Variants in KCNIP4 observed in about 807,000 individuals in gnomAD.
KCNIP4 encodes the protein Kv channel-interacting protein 4.
Under a neutral mutation model 34.0 loss-of-function variants are expected in KCNIP4, and 12 were observed. The observed-to-expected ratio is 0.35, with a 90% CI of 0.23 to 0.57. KCNIP4 has a LOEUF of 0.57. KCNIP4 is among the 20% of genes least tolerant of loss of function. The pLI is 0.83. For synonymous variants in KCNIP4, 124 were observed against 102.2 expected (o/e 1.21, Z -1.29); for missense variants, 238 against 311.7 (o/e 0.76, Z 1.78).
chr4:21,206,950 G>A (rs1347099454), intron 1 of KCNIP4, among the ~76,000 whole-genome samples: 1 of 152,114 alleles, frequency 6.6e-6, no homozygotes, highest in East Asian at 1.9e-4. Flanking sequence ...TGTACTCATT[G>A]TCGCTTTAGA....
chr4:21,715,866 T>C (rs534381956), intron 1 of KCNIP4, among the ~76,000 whole-genome samples: 1 of 152,326 alleles, frequency 6.6e-6, no homozygotes, highest in Admixed American at 6.5e-5. Flanking sequence ...GTGCTTCTGA[T>C]ATCATAATTG....
intron 1 of KCNIP4, among the ~76,000 whole-genome samples, chr4:21,102,906 C>T (rs2109073838): frequency 6.6e-6 from 1 of 152,220 alleles, no homozygotes; most frequent in South Asian, 2.1e-4. Context: ...GGGTATACTC[C>T]TTTTGAGACA....
At chr4:21,436,904 G>T (rs1368262121) in intron 1 of KCNIP4, among the ~76,000 whole-genome samples, 1 of 152,188 alleles carries the variant, frequency 6.6e-6, no homozygotes, top group Non-Finnish European at 1.5e-5. Flanking sequence ...CTGGCAGATA[G>T]CAGGTGCTTA....
At chr4:21,740,027 G>A (rs933145316) in intron 1 of KCNIP4, among the ~76,000 whole-genome samples, 1 of 152,012 alleles carries the variant, frequency 6.6e-6, no homozygotes, top group Non-Finnish European at 1.5e-5. Flanking sequence ...TCAAAATGTG[G>A]ATGATGCTGC....
chr4:21,220,539 C>G (rs1757915257), intron 1 of KCNIP4, among the ~76,000 whole-genome samples: 1 of 151,732 alleles, frequency 6.6e-6, no homozygotes, highest in Admixed American at 6.6e-5. Context: ...GCAAATGTAC[C>G]CTAAAACTTA....
At chr4:20,803,239 T>C (rs985562674) in intron 3 of KCNIP4, among the ~76,000 whole-genome samples, 1 of 151,346 alleles carries the variant, frequency 6.6e-6, no homozygotes, top group Non-Finnish European at 1.5e-5. Context: ...TCTAACATTA[T>C]ACCTAAAGGA....
intron 3 of KCNIP4, among the ~76,000 whole-genome samples, chr4:20,770,206 G>A (rs144886803): frequency 1.3e-3 from 193 of 152,016 alleles, no homozygotes; most frequent in Non-Finnish European, 1.6e-3. Flanking sequence ...ACCACAACTC[G>A]CAACTATATT....
At chr4:21,269,292 T>C (rs1761997811) in intron 1 of KCNIP4, among the ~76,000 whole-genome samples, 2 of 152,222 alleles carry the variant, frequency 1.3e-5, no homozygotes, top group African/African-American at 4.8e-5. Context: ...AGTTTGCCTA[T>C]TGACTAGACA....
At chr4:20,867,348 T>A (rs1722977029) in intron 2 of KCNIP4, among the ~76,000 whole-genome samples, 1 of 151,792 alleles carries the variant, frequency 6.6e-6, no homozygotes, top group Non-Finnish European at 1.5e-5. Context: ...TGAAACAGAA[T>A]AGAAAACCCA....
intron 1 of KCNIP4, among the ~76,000 whole-genome samples, chr4:21,289,350 G>C (rs1489525628): frequency 6.6e-6 from 1 of 152,038 alleles, no homozygotes; most frequent in East Asian, 1.9e-4. Context: ...TTATTGTCGA[G>C]TATAGTCATC....
intron 1 of KCNIP4, among the ~76,000 whole-genome samples, chr4:21,722,650 T>C (rs1714899356): frequency 6.6e-6 from 1 of 152,112 alleles, no homozygotes; most frequent in Admixed American, 6.6e-5. Flanking sequence ...TCAATTCAAA[T>C]TATAAAAGCA....
chr4:21,748,168 T>C (rs1319204610), intron 1 of KCNIP4, among the ~76,000 whole-genome samples: 2 of 152,138 alleles, frequency 1.3e-5, no homozygotes, highest in African/African-American at 4.8e-5. Flanking sequence ...CAATGCTATA[T>C]GAAGACAATG....
At chr4:20,735,814 C>T (rs557470188) in intron 5 of KCNIP4, among the ~76,000 whole-genome samples, 18 of 152,132 alleles carry the variant, frequency 1.2e-4, no homozygotes, top group Admixed American at 1.1e-3. Flanking sequence ...GGATTACAGG[C>T]GTGAGCCACC....
chr4:21,773,767 G>T (rs865894963), intron 1 of KCNIP4, among the ~76,000 whole-genome samples: 2,663 of 137,576 alleles, frequency 0.019, 142 homozygotes, highest in African/African-American at 0.076. Flanking sequence ...TTGTTTGTTT[G>T]TTTTTGTTTT....
In KCNIP4 at chr4:20,850,744, G is replaced by A. The variant is rs139677134; in HGVS notation, c.164-77C>T. ...CTTACACAGAGCAACAAAGGAAAACGGAAGAACATGTCTGCTAATGTCTGT... is the reference window on the plus strand; with the variant it reads ...CTTACACAGAGCAACAAAGGAAAACAGAAGAACATGTCTGCTAATGTCTGT... On this transcript the variant is annotated intron_variant, in intron 2 of 8. Transcript: ENST00000382152. 3.8e-4 allele frequency: 566 copies of A among 1,509,206 alleles called. 4 individuals are homozygous for A. In the African/African-American group the frequency reaches 6.4e-3, roughly 17 times the overall value. 93.5% of individuals were successfully genotyped at this position (1,509,206 alleles called of 1,614,324 possible).
At chr4:21,338,800 A>T (rs1716444422) in intron 1 of KCNIP4, among the ~76,000 whole-genome samples, 1 of 151,974 alleles carries the variant, frequency 6.6e-6, no homozygotes. Context: ...ACATCTACTA[A>T]CACCCTTCTC....
intron 1 of KCNIP4, among the ~76,000 whole-genome samples, chr4:21,690,171 A>G (rs1444979168): frequency 6.7e-6 from 1 of 149,546 alleles, no homozygotes; most frequent in Non-Finnish European, 1.5e-5. Context: ...ACGTAAATAT[A>G]CACATCAACG....
At position 21,340,207 on chromosome 4, in the gene KCNIP4, T is replaced by A. The variant is rs1716614457; in HGVS notation, c.62-457498A>T. On this transcript the variant is annotated intron_variant, in intron 1 of 8. Transcript: ENST00000382152. ...CCATGCAAAATCATCATTATTATGTTTAAACTGTAACTCTACAAATTTATG... is the reference window on the plus strand; with the variant it reads ...CCATGCAAAATCATCATTATTATGTATAAACTGTAACTCTACAAATTTATG... Among the ~76,000 whole-genome samples, 3 of 152,136 alleles carry A rather than the reference T, an allele frequency of 2.0e-5. 1 individual carries two copies. The South Asian group carries it at 6.2e-4, about 32-fold the overall frequency.
intron 1 of KCNIP4, among the ~76,000 whole-genome samples, chr4:21,919,970 C>T (rs527441965): frequency 3.9e-5 from 6 of 152,018 alleles, no homozygotes; most frequent in Non-Finnish European, 8.8e-5. Context: ...ATTAAAAAAC[C>T]AATTCATAAG....
Sources: gnomAD v4.1 joint callset for allele counts (sites outside exome capture counted in the v4.1 genomes callset) on GRCh38, gnomAD v4.1.1 for gene constraint, MANE v1.5 for transcripts, NCBI Gene and HGNC (gene_info 2026-07-23, HGNC 2026-07-21) for gene names.